The following R3HDM4 variants were observed in gnomAD, a reference collection of about 807,000 sequenced individuals.
R3HDM4 encodes R3H domain-containing protein 4.
In R3HDM4, 30 loss-of-function variants were observed where a neutral mutation model predicts 31.3. That is an observed-to-expected ratio of 0.96 (90% confidence interval 0.72 to 1.30). R3HDM4 has a LOEUF of 1.30. Ranked by LOEUF, R3HDM4 falls within the 50% of genes most tolerant of loss-of-function variation. The pLI is 0.00. For synonymous variants in R3HDM4, 196 were observed against 156.6 expected (o/e 1.25, Z -1.88); for missense variants, 444 against 366.1 (o/e 1.21, Z -1.74).
chr19:908,149 A>G lies in R3HDM4; in HGVS notation c.71+4938T>C, dbSNP rs145453418. ...GGAGGTTGCAGTGAGCTGAGATCGC[A>G]CCACTGCACTCCAGCCTGAGTGACA... On this transcript the variant is annotated intron_variant, in intron 1 of 7. Transcript: ENST00000361574. Among the ~76,000 whole-genome samples the G allele has an allele frequency of 9.3e-3, 1,418 of 152,022 alleles. 21 individuals are homozygous for G. Among genetic ancestry groups the G allele is most frequent in the African/African-American group, 0.032 (1,346 of 41,440 alleles).
In R3HDM4 at chr19:910,022, C is replaced by T. The variant is rs1489974306; in HGVS notation, c.71+3065G>A. Among the ~76,000 whole-genome samples the T allele has an allele frequency of 2.6e-5, 4 of 151,872 alleles. No individual in the cohort carries two copies. The East Asian group carries it at 7.8e-4, about 30-fold the overall frequency. ...CAACATAGTAAGACCCTCGTCTCTA[C>T]AACAAATTAAAAAATTAGCCAGGCC... On this transcript the variant is annotated intron_variant, in intron 1 of 7. Transcript: ENST00000361574.
rs759968709 is a variant in R3HDM4 at position 899,899 on chromosome 19, C to T, written c.561+162G>A. ...CTACACACCCTGCAGTGCCCGCCTT[C>T]GTTGCCCCCGCCCTCCTACTCAGGG... is the stretch of plus-strand genomic sequence containing the variant. On this transcript the variant is annotated intron_variant, in intron 5 of 7. Transcript: ENST00000361574. The surrounding 1 kb of genome is among the most constrained non-coding windows in gnomAD (Gnocchi z 6.8). Among the ~76,000 whole-genome samples the T allele has an allele frequency of 1.7e-4, 26 of 152,168 alleles. No individual in the cohort carries two copies. The highest frequency in any genetic ancestry group is 1.3e-4 in the Admixed American group (2 of 15,282).
At chr19:898,026 G>T (rs978913871) in intron 7 of R3HDM4, among the ~76,000 whole-genome samples, 1 of 152,108 alleles carries the variant, frequency 6.6e-6, no homozygotes, top group African/African-American at 2.4e-5. Flanking sequence ...CCAGCACTCT[G>T]GGAGGCCAAG....
rs377418002 is a variant in R3HDM4, at chr19:897,415, C to G, written c.*22G>C. ...GCTTGATGGCTGGGCGAGGTGGCAG[C>G]GGGGTCTCCGCGGGGCCGCCATCAG... is the stretch of plus-strand genomic sequence containing the variant. On this transcript the variant is annotated 3_prime_UTR_variant, in exon 8 of 8. Transcript: ENST00000361574. 1 of 1,541,108 alleles carries G rather than the reference C, an allele frequency of 6.5e-7. No homozygotes were observed. Among genetic ancestry groups the G allele is most frequent in the Non-Finnish European group, 8.8e-7 (1 of 1,135,372 alleles).
intron 1 of R3HDM4, among the ~76,000 whole-genome samples, chr19:903,244 C>A (rs540782331): frequency 7.8e-4 from 119 of 151,870 alleles, no homozygotes; most frequent in African/African-American, 2.8e-3. Context: ...CCCGCAAACC[C>A]CCCCCTTAAT....
chr19:908,685 C>G (rs1390810205), intron 1 of R3HDM4, among the ~76,000 whole-genome samples: 1 of 152,170 alleles, frequency 6.6e-6, no homozygotes, highest in Non-Finnish European at 1.5e-5. Flanking sequence ...GCTCCAAACT[C>G]AGGGAGCCCC....
At chr19:902,341 G>A in intron 1 of R3HDM4, 2 of 577,228 alleles carry the variant, frequency 3.5e-6, no homozygotes, top group East Asian at 3.0e-5. Flanking sequence ...TGGGTGTGGT[G>A]GCTCATGCCG....
chr19:902,465 G>A (rs1316417375), intron 1 of R3HDM4: 1 of 194,398 alleles, frequency 5.1e-6, no homozygotes, highest in African/African-American at 2.4e-5. Context: ...TTATTTTTTT[G>A]TCTCTACAAA....
chr19:913,061 G>C lies in R3HDM4; in HGVS notation c.71+26C>G, dbSNP rs1469632482. On this transcript the variant is annotated intron_variant, in intron 1 of 7. Transcript: ENST00000361574. This position sits in a 1 kb window ranked among gnomAD's most constrained non-coding sequence, Gnocchi z 5.0. ...GGAGCCCAGCCCGCCCCCGGCGCCC[G>C]CCGCGCCCCGCCCGCCCGCGCTCAC... 168 of 858,674 alleles carry C rather than the reference G, an allele frequency of 2.0e-4. No individual in the cohort carries two copies. The highest frequency in any genetic ancestry group is 2.2e-4 in the Non-Finnish European group (153 of 702,846). The allele number at this position is 858,674 out of a possible 1,614,324, so 53.2% of individuals were successfully genotyped here.
Position 907,820 on chromosome 19 carries a change from ACCCTCCC to A in R3HDM4, c.71+5260_71+5266del, listed in dbSNP as rs1003044339. Among the ~76,000 whole-genome samples, 24 of 151,892 alleles carry A rather than the reference ACCCTCCC, an allele frequency of 1.6e-4. No individual in the cohort carries two copies. Among genetic ancestry groups the A allele is most frequent in the African/African-American group, 5.1e-4 (21 of 41,396 alleles). On this transcript the variant is annotated intron_variant, in intron 1 of 7. Coordinates refer to ENST00000361574, the MANE Select transcript of R3HDM4 (RefSeq NM_138774.4). This position sits in a 1 kb window ranked among gnomAD's most constrained non-coding sequence, Gnocchi z 4.1. ...TTTGTTTGGTATCTGAGGGCTCGCC[ACCCTCCC>A]CTGGGTCTCTAGTGCTGAGCTGAGC... is the stretch of plus-strand genomic sequence containing the variant.
rs2036751813 is a variant in R3HDM4, at chr19:897,337, C to T, written c.*100G>A. On this transcript the variant is annotated 3_prime_UTR_variant, in exon 8 of 8. Transcript: ENST00000361574. ...AGACCACCCCAAGCGAAAAAGGTTT[C>T]CGAGGACAAATTCTAAAAATATGAA... The T allele has an allele frequency of 2.1e-6, 2 of 941,950 alleles. No individual in the cohort carries two copies. Among genetic ancestry groups the T allele is most frequent in the African/African-American group, 1.7e-5 (1 of 59,536 alleles). 58.3% of individuals were successfully genotyped at this position (941,950 alleles called of 1,614,324 possible). A position where few individuals can be genotyped will look rare whatever the true frequency, so the allele number is the denominator to read the frequency against.
In R3HDM4 at chr19:913,039, GCCCAGCCCGCCC is replaced by G. The variant is rs2037000879; in HGVS notation, c.71+36_71+47del. On this transcript the variant is annotated intron_variant, in intron 1 of 7. Coordinates refer to ENST00000361574, the MANE Select transcript of R3HDM4 (RefSeq NM_138774.4). The surrounding 1 kb of genome is among the most constrained non-coding windows in gnomAD (Gnocchi z 5.0). ...CGGGGAGAGGATCTCAGGGGAGGGAGCCCAGCCCGCCCCCGGCGCCCGCCGCGCCCCGCCCGC... is the reference window on the plus strand; with the variant it reads ...CGGGGAGAGGATCTCAGGGGAGGGAGCCGGCGCCCGCCGCGCCCCGCCCGC... 1.3e-6 allele frequency: 1 copy of G among 757,072 alleles called. No individual in the cohort carries two copies. The highest frequency in any genetic ancestry group is 6.1e-5 in the Admixed American group (1 of 16,330). 46.9% of individuals were successfully genotyped at this position (757,072 alleles called of 1,614,324 possible). A position where few individuals can be genotyped will look rare whatever the true frequency, so the allele number is the denominator to read the frequency against.
chr19:910,360 T>C (rs1314503380), intron 1 of R3HDM4, among the ~76,000 whole-genome samples: 3 of 150,380 alleles, frequency 2.0e-5, no homozygotes, highest in Non-Finnish European at 4.4e-5. Flanking sequence ...GGTGCACACC[T>C]GTGGTCCTAG....
At chr19:909,962 A>C (rs1343558656) in intron 1 of R3HDM4, among the ~76,000 whole-genome samples, 1 of 152,184 alleles carries the variant, frequency 6.6e-6, no homozygotes, top group African/African-American at 2.4e-5. Flanking sequence ...AGGCAGGTGG[A>C]TTCCTTGAGT....
At chr19:900,748 C>A in intron 4 of R3HDM4, 81 bp downstream of exon 4, 1 of 236,622 alleles carries the variant, frequency 4.2e-6, no homozygotes, top group Non-Finnish European at 8.1e-6. Context: ...TCCTGCCCCC[C>A]CATCCCGGCC....
At position 899,311 on chromosome 19, in the gene R3HDM4, G is replaced by T; in HGVS notation, c.703+129C>A. On this transcript the variant is annotated intron_variant, in intron 7 of 7. Transcript: ENST00000361574. The surrounding 1 kb of genome is among the most constrained non-coding windows in gnomAD (Gnocchi z 6.8). Reference sequence around the variant, plus strand: ...CCACTGCCACCCCTGAGTTCGTAGCGTCCCCACTCCAGCCCCCTTCCCCAC... The same window carrying T: ...CCACTGCCACCCCTGAGTTCGTAGCTTCCCCACTCCAGCCCCCTTCCCCAC... 2 of 925,120 alleles carry T rather than the reference G, an allele frequency of 2.2e-6. No individual in the cohort carries two copies. The highest frequency in any genetic ancestry group is 1.5e-5 in the South Asian group (1 of 67,882). 57.3% of individuals were successfully genotyped at this position (925,120 alleles called of 1,614,324 possible).
At position 897,443 on chromosome 19, in the gene R3HDM4, G is replaced by GT; in HGVS notation, c.800dup (p.His267GlnfsTer97). ...GGTCTCCGCGGGGCCGCCATCAGCT[G>GT]TGCTGCTCCAGGTAGGCGGACAGGA... On this transcript the variant is annotated frameshift_variant, in exon 8 of 8. Transcript: ENST00000361574. LOFTEE classifies it high-confidence loss of function. 1 of 1,608,284 alleles carries GT rather than the reference G, an allele frequency of 6.2e-7. No homozygotes were observed.
In R3HDM4 at chr19:907,997, A is replaced by G. The variant is rs2036927086; in HGVS notation, c.71+5090T>C. ...ATCATGAGGTCAAGAGATGGAGACCATCCTGGCCAACATGGTAAAACCCTG... is the reference window on the plus strand; with the variant it reads ...ATCATGAGGTCAAGAGATGGAGACCGTCCTGGCCAACATGGTAAAACCCTG... On this transcript the variant is annotated intron_variant, in intron 1 of 7. Coordinates refer to ENST00000361574, the MANE Select transcript of R3HDM4 (RefSeq NM_138774.4). This position sits in a 1 kb window ranked among gnomAD's most constrained non-coding sequence, Gnocchi z 4.1. Among the ~76,000 whole-genome samples, 1 of 152,016 alleles carries G rather than the reference A, an allele frequency of 6.6e-6. No homozygotes were observed. Among genetic ancestry groups the G allele is most frequent in the African/African-American group, 2.4e-5 (1 of 41,398 alleles).
At chr19:908,695 C>A (rs563225048) in intron 1 of R3HDM4, among the ~76,000 whole-genome samples, 1 of 152,186 alleles carries the variant, frequency 6.6e-6, no homozygotes, top group Non-Finnish European at 1.5e-5. Flanking sequence ...CAGGGAGCCC[C>A]GGTCTCTGCC....
Sources: gnomAD v4.1 joint callset for allele counts (sites outside exome capture counted in the v4.1 genomes callset) on GRCh38, gnomAD v4.1.1 for gene constraint, Gnocchi (gnomAD v3.1) non-coding constraint, MANE v1.5 for transcripts, NCBI Gene and HGNC (gene_info 2026-07-23, HGNC 2026-07-21) for gene names.